The following BCLAF3 variants were observed in gnomAD, a reference collection of about 807,000 sequenced individuals.
BCLAF3 encodes BCLAF1 and THRAP3 family member 3, also known as transient octamer binding factor 1.
BCLAF3 carries 24 observed loss-of-function variants against 51.2 expected under a neutral mutation model. The ratio of observed to expected loss-of-function variants is 0.47; its 90% CI spans 0.34 to 0.66. The LOEUF (loss-of-function observed/expected upper bound fraction) is 0.66, where lower values mean the gene tolerates loss of function less well. Among genes scored for constraint, BCLAF3 ranks in the 30% least tolerant of loss-of-function variants. BCLAF3 has a pLI of 0.01. For synonymous variants in BCLAF3, 152 were observed against 176.6 expected, an observed-to-expected ratio of 0.86 and a Z score of 1.10; for missense variants, 465 against 525.1, an observed-to-expected ratio of 0.89 and a Z score of 1.12.
chrX:19,929,874 T>A lies in BCLAF3; in HGVS notation c.2017A>T (p.Ile673Phe). 8.3e-7 allele frequency: 1 copy of A among 1,210,911 alleles called. No individual in the cohort carries two copies. The highest frequency in any genetic ancestry group is 1.1e-6 in the Non-Finnish European group (1 of 894,788). The change falls in exon 11 of 12, where the codon ATT (isoleucine) becomes TTT (phenylalanine). Residue 673 changes from isoleucine to phenylalanine, a missense_variant. By Grantham distance (21) the Ile-to-Phe change is conservative. Transcript: ENST00000379682. ...KSGLVQKSLY[I>F]QAKYQRLRFT... ...CGTAAACGCTGATACTTAGCCTGAA[T>A]GTACAAGCTCTTCTGTACCAGGCCT...
At chrX:19,970,331 G>C in intron 1 of BCLAF3, 33 bp from the exon 2 acceptor site, 2 of 1,158,763 alleles carry the variant, frequency 1.7e-6, no homozygotes. Flanking sequence ...CAGGTTTGTA[G>C]AAAGACCCTA....
chrX:19,983,875 C>A (rs1319546225), intron 1 of BCLAF3, among the ~76,000 whole-genome samples: 1 of 108,502 alleles, frequency 9.2e-6, no homozygotes, highest in Non-Finnish European at 1.9e-5. Context: ...TCGAGACCAG[C>A]CTGGCAAACA....
At chrX:19,990,824 C>T (rs2072910380) in intron 1 of BCLAF3, among the ~76,000 whole-genome samples, 84 bp downstream of exon 1, 1 of 111,099 alleles carries the variant, frequency 9.0e-6, no homozygotes, top group Admixed American at 9.3e-5. Flanking sequence ...ATCCGCCACC[C>T]CGAGAACCGC....
At chrX:19,958,298 A>C (rs753806840) in intron 4 of BCLAF3, among the ~76,000 whole-genome samples, 113 of 112,158 alleles carry the variant, frequency 1.0e-3, no homozygotes, top group African/African-American at 3.5e-3. Flanking sequence ...CTCATCAAAG[A>C]AATGAACTGC....
chrX:19,965,358 T>A lies in BCLAF3; in HGVS notation c.960A>T (p.Arg320Ser). The A allele has an allele frequency of 8.3e-7, 1 of 1,211,194 alleles. No individual in the cohort carries two copies. Among genetic ancestry groups the A allele is most frequent in the South Asian group, 1.8e-5 (1 of 56,994 alleles). The change falls in exon 4 of 12, where the codon AGA (arginine) becomes AGT (serine). Residue 320 changes from arginine to serine, a missense_variant. Physicochemically the swap from Arg to Ser is moderately radical, Grantham distance 110 (BLOSUM62 -1). Transcript: ENST00000379682. ...TTCCAGTATTAAAACAATCTAACTC[T>A]CTATTTAGAGGGCCTTTTTGAAAAC... ...KYSFQKGPLNRELDCFNTGRG... is the reference protein window; with the variant it reads ...KYSFQKGPLNSELDCFNTGRG...
At chrX:19,932,022 A>C (rs1268915311) in intron 10 of BCLAF3, among the ~76,000 whole-genome samples, 1 of 112,596 alleles carries the variant, frequency 8.9e-6, no homozygotes. Context: ...GGCAGGTACA[A>C]GGGTCAGAAT....
intron 10 of BCLAF3, among the ~76,000 whole-genome samples, chrX:19,931,553 T>C (rs2147752192): frequency 1.8e-5 from 2 of 111,809 alleles, no homozygotes; most frequent in African/African-American, 6.5e-5. Flanking sequence ...CATGAAGCCA[T>C]ATGAAGAAAA....
At chrX:19,929,339 A>G (rs2070464702) in intron 11 of BCLAF3, 2 of 112,528 alleles carry the variant, frequency 1.8e-5, no homozygotes, top group African/African-American at 6.5e-5. Flanking sequence ...TATTATACAT[A>G]TTTTACCACA....
intron 1 of BCLAF3, among the ~76,000 whole-genome samples, chrX:19,988,863 T>A (rs767322668): frequency 3.6e-5 from 4 of 111,707 alleles, no homozygotes; most frequent in Non-Finnish European, 7.5e-5. Context: ...TATTACGCCT[T>A]TGCCTCACCT....
chrX:19,969,215 C>T (rs958145102), intron 2 of BCLAF3, among the ~76,000 whole-genome samples: 15 of 112,903 alleles, frequency 1.3e-4, no homozygotes, highest in African/African-American at 4.5e-4. Context: ...AAGTTCCTTG[C>T]CATTGCAAGT....
intron 1 of BCLAF3, among the ~76,000 whole-genome samples, chrX:19,977,480 G>A (rs757453664): frequency 2.7e-5 from 3 of 112,342 alleles, no homozygotes; most frequent in Non-Finnish European, 5.6e-5. Context: ...GTTCCCTTAA[G>A]CCAAAGCCCA....
chrX:19,938,960 C>T (rs192326798), intron 8 of BCLAF3, among the ~76,000 whole-genome samples: 3 of 112,152 alleles, frequency 2.7e-5, no homozygotes, highest in East Asian at 5.6e-4. Flanking sequence ...GTCTGTTTAA[C>T]GGAACAAGTT....
chrX:19,974,217 T>C (rs1037394928), intron 1 of BCLAF3, among the ~76,000 whole-genome samples: 6 of 112,643 alleles, frequency 5.3e-5, no homozygotes, highest in Non-Finnish European at 9.4e-5. Flanking sequence ...TTCAAACCCA[T>C]GTTGTTCAAG....
chrX:19,934,449 T>G (rs1161294436), intron 10 of BCLAF3, among the ~76,000 whole-genome samples: 1 of 112,222 alleles, frequency 8.9e-6, no homozygotes, highest in Admixed American at 9.5e-5. Flanking sequence ...AAAGATGGTA[T>G]AAAACATGTA....
chrX:19,930,750 A>T (rs1476677056), intron 10 of BCLAF3: 1 of 118,370 alleles, frequency 8.4e-6, no homozygotes, highest in Non-Finnish European at 1.8e-5. Flanking sequence ...CTCACACCTA[A>T]ATCCCAGCAC....
chrX:19,950,281 AT>A (rs752196895), intron 8 of BCLAF3, among the ~76,000 whole-genome samples: 74 of 111,789 alleles, frequency 6.6e-4, no homozygotes, highest in Admixed American at 2.3e-3. Context: ...AAAAATGTGG[AT>A]TTTTTTCACT....
rs950485603 is a variant in BCLAF3, at chrX:19,915,201, A to T, written c.*2104T>A. ...AAATGCTATGGATAACCTTTTGTTC[A>T]ATCTCCATATGAAAATTACACATGT... On this transcript the variant is annotated 3_prime_UTR_variant, in exon 12 of 12. Coordinates refer to ENST00000379682, the MANE Select transcript of BCLAF3 (RefSeq NM_001367774.2). The T allele has an allele frequency of 1.8e-5, 2 of 112,016 alleles. No homozygotes were observed. The highest frequency in any genetic ancestry group is 6.5e-5 in the African/African-American group (2 of 30,902). 9.2% of individuals were successfully genotyped at this position (112,016 alleles called of 1,213,427 possible).
chrX:19,927,434 A>C (rs1273048476), intron 11 of BCLAF3, among the ~76,000 whole-genome samples: 1 of 111,957 alleles, frequency 8.9e-6, no homozygotes, highest in African/African-American at 3.2e-5. Flanking sequence ...GATTTACTAA[A>C]ATCATTAAGC....
intron 4 of BCLAF3, among the ~76,000 whole-genome samples, chrX:19,963,146 T>G (rs1030292525): frequency 4.7e-5 from 5 of 106,199 alleles, no homozygotes; most frequent in Non-Finnish European, 7.7e-5. Flanking sequence ...GTATATCTTA[T>G]AGCCATCAGA....
Sources: allele counts gnomAD v4.1 joint callset (sites outside exome capture counted in the v4.1 genomes callset), GRCh38; gene constraint gnomAD v4.1.1; transcripts MANE v1.5; gene names NCBI Gene and HGNC (gene_info 2026-07-23, HGNC 2026-07-21).